The following ULK4 variants were observed in gnomAD, a reference collection of about 807,000 sequenced individuals.
ULK4 encodes unc-51 like kinase 4.
ULK4 carries 133 observed loss-of-function variants against 160.6 expected under a neutral mutation model. The ratio of observed to expected loss-of-function variants is 0.83; its 90% confidence interval spans 0.72 to 0.96. The LOEUF (loss-of-function observed/expected upper bound fraction) is 0.96, where lower values mean the gene tolerates loss of function less well. Ranked by LOEUF, ULK4 falls within the 40% of genes least tolerant of loss-of-function variation. The probability of loss-of-function intolerance (pLI) is 0.00; values close to 1 mark genes in which losing one functional copy is unlikely to be tolerated. For synonymous variants in ULK4, 534 were observed against 539.8 expected (o/e 0.99, Z 0.15); for missense variants, 1,580 against 1,499.5 (o/e 1.05, Z -0.89).
intron 22 of ULK4, among the ~76,000 whole-genome samples, chr3:41,728,249 A>T (rs1357528869): frequency 2.6e-5 from 4 of 152,174 alleles, no homozygotes; most frequent in African/African-American, 4.8e-5. Flanking sequence ...TTATAAAGAA[A>T]ACAATGTGTA....
chr3:41,823,969 T>C (rs115661946), intron 18 of ULK4, among the ~76,000 whole-genome samples: 7,047 of 152,002 alleles, frequency 0.046, 319 homozygotes, highest in African/African-American at 0.11. Context: ...TCAAGACCAG[T>C]CTGGCCAATG....
Position 41,265,972 on chromosome 3 carries a change from G to A in ULK4, c.3679-16398C>T, listed in dbSNP as rs577305476. Among the ~76,000 whole-genome samples the A allele has an allele frequency of 4.7e-4, 72 of 152,238 alleles. No individual in the cohort carries two copies. In the Middle Eastern group the frequency reaches 0.01, roughly 22 times the overall value. ...GCTGGTCCACACACCCCCTGCTCTG[G>A]GTGAATCAGAGGACCACACAGGACC... On this transcript the variant is annotated intron_variant, in intron 35 of 36. Transcript: ENST00000301831.
chr3:41,403,198 G>C (rs551047302), intron 34 of ULK4, among the ~76,000 whole-genome samples: 1 of 151,404 alleles, frequency 6.6e-6, no homozygotes, highest in Non-Finnish European at 1.5e-5. Context: ...TAATTCTTCT[G>C]TAATTGTTTG....
At chr3:41,836,857 C>T (rs1211834383) in intron 17 of ULK4, among the ~76,000 whole-genome samples, 1 of 152,068 alleles carries the variant, frequency 6.6e-6, no homozygotes, top group Non-Finnish European at 1.5e-5. Flanking sequence ...GTTCATACAC[C>T]AGAACACAGG....
intron 6 of ULK4, among the ~76,000 whole-genome samples, chr3:41,919,428 C>A (rs1187301944): frequency 1.3e-5 from 2 of 151,950 alleles, no homozygotes; most frequent in Non-Finnish European, 2.9e-5. Context: ...ATGGTGAGAC[C>A]CGCTCTCTAC....
chr3:41,746,566 C>T (rs1275310822), intron 22 of ULK4, among the ~76,000 whole-genome samples: 1 of 151,122 alleles, frequency 6.6e-6, no homozygotes, highest in Non-Finnish European at 1.5e-5. Flanking sequence ...AATATATCAA[C>T]TATCCCTGTA....
At chr3:41,910,905 A>G (rs569315259) in intron 11 of ULK4, among the ~76,000 whole-genome samples, 7 of 151,726 alleles carry the variant, frequency 4.6e-5, no homozygotes, top group South Asian at 2.1e-4. Context: ...AGAGGTTACA[A>G]TGAACCAAAA....
chr3:41,404,554 C>T (rs1182546651), intron 34 of ULK4, among the ~76,000 whole-genome samples: 1 of 152,112 alleles, frequency 6.6e-6, no homozygotes, highest in East Asian at 1.9e-4. Context: ...CCCCAAAAAG[C>T]ATATGTTGGA....
chr3:41,369,362 C>G (rs575583778), intron 35 of ULK4, among the ~76,000 whole-genome samples: 1 of 152,124 alleles, frequency 6.6e-6, no homozygotes, highest in South Asian at 2.1e-4. Flanking sequence ...GGTGTGGTGG[C>G]ACATGCCTGT....
chr3:41,438,759 C>A (rs997510700), intron 34 of ULK4, among the ~76,000 whole-genome samples: 4 of 151,832 alleles, frequency 2.6e-5, no homozygotes, highest in Admixed American at 1.3e-4. Flanking sequence ...CTCAGGAGTT[C>A]GAGGCTGCCA....
intron 25 of ULK4, among the ~76,000 whole-genome samples, chr3:41,708,169 T>A (rs1056694686): frequency 1.5e-5 from 2 of 131,570 alleles, no homozygotes; most frequent in African/African-American, 8.1e-5. Flanking sequence ...CTGAAATAAA[T>A]ACATATACAT....
chr3:41,294,510 T>A (rs531764458), intron 35 of ULK4, among the ~76,000 whole-genome samples: 31 of 152,334 alleles, frequency 2.0e-4, no homozygotes, highest in Non-Finnish European at 1.3e-4. Flanking sequence ...GTTTGCACTT[T>A]TGTTGGTAGG....
In ULK4 at chr3:41,791,944, T is replaced by C. The variant is rs1009521835; in HGVS notation, c.2011-2101A>G. Among the ~76,000 whole-genome samples, 13 of 152,304 alleles carry C rather than the reference T, an allele frequency of 8.5e-5. No homozygotes were observed. In the East Asian group the frequency reaches 1.9e-3, roughly 23 times the overall value. Reference sequence around the variant, plus strand: ...CCATTTCAAACATATACCAGGGATTTTTATTCATTTGGAGATATCCATATC... The same window carrying C: ...CCATTTCAAACATATACCAGGGATTCTTATTCATTTGGAGATATCCATATC... On this transcript the variant is annotated intron_variant, in intron 20 of 36. Transcript: ENST00000301831.
At chr3:41,528,511 T>C (rs1332897839) in intron 32 of ULK4, among the ~76,000 whole-genome samples, 2 of 152,204 alleles carry the variant, frequency 1.3e-5, no homozygotes, top group Non-Finnish European at 2.9e-5. Context: ...GCCGAGTACC[T>C]AGATGAGTCA....
At chr3:41,655,271 G>C (rs75720917) in intron 30 of ULK4, among the ~76,000 whole-genome samples, 1 of 148,450 alleles carries the variant, frequency 6.7e-6, no homozygotes, top group Admixed American at 6.8e-5. Flanking sequence ...GCAAACTATC[G>C]CAAGGACAAA....
At chr3:41,886,065 C>G (rs114314250) in intron 16 of ULK4, among the ~76,000 whole-genome samples, 6 of 152,200 alleles carry the variant, frequency 3.9e-5, no homozygotes, top group Non-Finnish European at 1.5e-5. Flanking sequence ...CGTGCCTGGT[C>G]CTGGTTACCT....
intron 12 of ULK4, among the ~76,000 whole-genome samples, chr3:41,906,338 A>C (rs541329835): frequency 6.6e-6 from 1 of 152,068 alleles, no homozygotes; most frequent in African/African-American, 2.4e-5. Context: ...CAGCTTACGC[A>C]AAATAGTGGG....
intron 32 of ULK4, among the ~76,000 whole-genome samples, chr3:41,505,507 G>A (rs1324400946): frequency 6.6e-6 from 1 of 152,012 alleles, no homozygotes; most frequent in East Asian, 1.9e-4. Context: ...ATATCCTAAT[G>A]TTCAGTATGT....
chr3:41,458,006 TA>T (rs956859904), intron 33 of ULK4, among the ~76,000 whole-genome samples: 110 of 152,164 alleles, frequency 7.2e-4, no homozygotes, highest in African/African-American at 2.6e-3. Context: ...ATGTGGGATA[TA>T]AAAAAAGAGG....
Sources: gnomAD v4.1 joint callset for allele counts (sites outside exome capture counted in the v4.1 genomes callset) on GRCh38, gnomAD v4.1.1 for gene constraint, MANE v1.5 for transcripts, NCBI Gene and HGNC (gene_info 2026-07-23, HGNC 2026-07-21) for gene names.